SPATA31A3: variants seen among roughly 807,000 people sequenced by gnomAD.
SPATA31A3 encodes the protein spermatogenesis-associated protein 31A3.
For synonymous variants in SPATA31A3, 47 were observed against 419.3 expected, an observed-to-expected ratio of 0.11 and a Z score of 10.85; for missense variants, 132 against 1,094.6, an observed-to-expected ratio of 0.12 and a Z score of 12.41.
exon 4 of SPATA31A3, chr9:66,987,255 G>A (rs1269136213): frequency 8.1e-7 from 1 of 1,241,078 alleles, no homozygotes; most frequent in East Asian, 2.3e-5. Flanking sequence ...GCACCAGTTT[G>A]CTCCTTCTGG....
Position 66,989,670 on chromosome 9 carries a change from AT to A in SPATA31A3, c.827del (p.His276LeufsTer79), listed in dbSNP as rs1182200863. On this transcript the variant is annotated frameshift_variant, in exon 4 of 4. Coordinates refer to ENST00000428649, the Ensembl canonical transcript of SPATA31A3. LOFTEE classifies it low-confidence loss of function (END_TRUNC). ...CCTGCCACCGGGAGGAGGCAGAAAC[AT>A]GACTGTTTGAGCCACCAAGGCCTGA... The A allele has an allele frequency of 2.1e-5, 13 of 623,400 alleles. No homozygotes were observed. Among genetic ancestry groups the A allele is most frequent in the Non-Finnish European group, 3.6e-5 (13 of 363,244 alleles). The allele number at this position is 623,400 out of a possible 1,614,324, so 38.6% of individuals were successfully genotyped here.
chr9:66,987,280 T>C, exon 4 of SPATA31A3: 3 of 1,263,632 alleles, frequency 2.4e-6, no homozygotes, highest in South Asian at 1.2e-5. Context: ...CATGAGGTCA[T>C]GTAGCTCCTG....
chr9:66,991,346 TTTC>T (rs1158670940), intron 1 of SPATA31A3, among the ~76,000 whole-genome samples: 1 of 126,038 alleles, frequency 7.9e-6, no homozygotes, highest in Admixed American at 8.3e-5. Context: ...ATAAACTGCT[TTTC>T]TTCTTAGAAA....
chr9:66,987,668 G>A lies in SPATA31A3; in HGVS notation c.2830C>T (p.Gln944Ter). The A allele has an allele frequency of 6.3e-7, 1 of 1,579,242 alleles. No individual in the cohort carries two copies. The highest frequency in any genetic ancestry group is 8.5e-7 in the Non-Finnish European group (1 of 1,171,796). Residue 944 changes from glutamine to a stop codon, truncating the protein, a stop_gained, in exon 4 of 4, where the codon CAA becomes TAA. Transcript: ENST00000428649. LOFTEE classifies it low-confidence loss of function (END_TRUNC). ...CTTGTCTCTCCAGCCTTTGAAGATT[G>A]GGCTCCTAAGCTCCTGCTCTGCTGG...
chr9:66,989,990 A>G, exon 4 of SPATA31A3: 1 of 1,612,570 alleles, frequency 6.2e-7, no homozygotes, highest in African/African-American at 1.3e-5. Context: ...GGGCCTGGTG[A>G]TGGGGTGGAG....
intron 2 of SPATA31A3, among the ~76,000 whole-genome samples, chr9:66,990,830 C>T (rs1469921862): frequency 1.6e-4 from 2 of 12,250 alleles, no homozygotes; most frequent in African/African-American, 8.2e-4. Context: ...GGCCCCCTCA[C>T]CCCCCTCCGC....
exon 4 of SPATA31A3, chr9:66,986,697 G>A: frequency 7.0e-6 from 8 of 1,135,832 alleles, no homozygotes; most frequent in Non-Finnish European, 9.6e-6. Flanking sequence ...CTTGTTGACT[G>A]CTGGCTGCAT....
exon 4 of SPATA31A3, chr9:66,986,879 G>C: frequency 6.2e-7 from 1 of 1,610,900 alleles, no homozygotes; most frequent in South Asian, 1.1e-5. Flanking sequence ...ATGAGACCCT[G>C]AGCTTCAGCA....
Position 66,991,141 on chromosome 9 carries a change from A to T in SPATA31A3, c.190-10T>A. On this transcript the variant is annotated splice_polypyrimidine_tract_variant and intron_variant, in intron 1 of 3. Transcript: ENST00000428649. ...TCCGCCCTACTGGACACTGGGAGACACGATGACGTACGGAGACAAGATGAC... is the reference window on the plus strand; with the variant it reads ...TCCGCCCTACTGGACACTGGGAGACTCGATGACGTACGGAGACAAGATGAC... The T allele has an allele frequency of 6.2e-7, 1 of 1,609,008 alleles. No individual in the cohort carries two copies. The highest frequency in any genetic ancestry group is 8.5e-7 in the Non-Finnish European group (1 of 1,178,938).
At chr9:66,987,374 C>A (rs771939271) in exon 4 of SPATA31A3, 2 of 1,237,896 alleles carry the variant, frequency 1.6e-6, no homozygotes, top group African/African-American at 3.7e-5. Flanking sequence ...GCGTGGGGCA[C>A]AACAGATGCT....
At chr9:66,991,734 T>TACACACACACACACAC (rs55996942) in intron 1 of SPATA31A3, among the ~76,000 whole-genome samples, 1 of 55,082 alleles carries the variant, frequency 1.8e-5, no homozygotes, top group Non-Finnish European at 3.5e-5. Flanking sequence ...AAAATAAAAA[T>TACACACACACACACAC]ACACACACAC....
At chr9:66,987,242 C>G in exon 4 of SPATA31A3, 1 of 1,217,986 alleles carries the variant, frequency 8.2e-7, no homozygotes, top group East Asian at 2.3e-5. Flanking sequence ...CTGGGCTCCT[C>G]GTGCACCAGT....
At chr9:66,991,273 T>G in intron 1 of SPATA31A3, 142 bp from the exon 2 acceptor site, 1 of 700,634 alleles carries the variant, frequency 1.4e-6, no homozygotes, top group South Asian at 1.5e-5. Context: ...AGGAACCGCA[T>G]GGCTCTCTCT....
chr9:66,988,651 C>A, exon 4 of SPATA31A3: 1 of 1,167,036 alleles, frequency 8.6e-7, no homozygotes, highest in Non-Finnish European at 1.2e-6. Flanking sequence ...CTCTTGGATC[C>A]TTCCCAGGTT....
chr9:66,987,258 C>G lies in SPATA31A3; in HGVS notation c.3240G>C (p.Arg1080Ser), dbSNP rs780187021. The change falls in exon 4 of 4, where the codon AGG becomes AGC. Residue 1080 changes from arginine (R) to serine (S), a missense_variant. Arg to Ser is a moderately radical substitution (Grantham distance 110). Coordinates refer to ENST00000428649, the Ensembl canonical transcript of SPATA31A3. Reference sequence around the variant, plus strand: ...TGGGCTCCTCGTGCACCAGTTTGCTCCTTCTGGCTGCCATGAGGTCATGTA... The same window carrying G: ...TGGGCTCCTCGTGCACCAGTTTGCTGCTTCTGGCTGCCATGAGGTCATGTA... The G allele has an allele frequency of 2.4e-6, 3 of 1,247,570 alleles. No homozygotes were observed. The East Asian group carries it at 6.8e-5, about 28-fold the overall frequency. 77.3% of individuals were successfully genotyped at this position (1,247,570 alleles called of 1,614,324 possible).
exon 4 of SPATA31A3, chr9:66,986,682 A>G (rs1823238189): frequency 1.9e-6 from 2 of 1,072,190 alleles, no homozygotes; most frequent in African/African-American, 2.8e-5. Flanking sequence ...GGCTCTTGAG[A>G]GTGGCTTGTT....
exon 4 of SPATA31A3, chr9:66,989,044 G>A: frequency 3.5e-6 from 1 of 283,114 alleles, no homozygotes; most frequent in Non-Finnish European, 6.4e-6. Context: ...TTGGGGTGTG[G>A]ATGAAATAAA....
chr9:66,991,654 AAAAATAAAATAAAATAAAAT>A (rs1157053461), intron 1 of SPATA31A3, among the ~76,000 whole-genome samples: 4 of 49,964 alleles, frequency 8.0e-5, no homozygotes, highest in Admixed American at 2.5e-4. Context: ...CTCCATCTCA[AAAAATAAAATAAAATAAAAT>A]AAAATAAAAT....
At chr9:66,987,051 C>T (rs1314412307) in exon 4 of SPATA31A3, 1 of 1,530,012 alleles carries the variant, frequency 6.5e-7, no homozygotes, top group African/African-American at 1.5e-5. Flanking sequence ...ATGGCAGTAG[C>T]TGGACGCCTT....
Sources: allele counts gnomAD v4.1 joint callset (sites outside exome capture counted in the v4.1 genomes callset), GRCh38; gene constraint gnomAD v4.1.1; transcripts MANE v1.5; gene names NCBI Gene and HGNC (gene_info 2026-07-23, HGNC 2026-07-21).